The following PCDH15 variants were observed in gnomAD, a reference collection of about 807,000 sequenced individuals.
PCDH15 encodes the protein protocadherin-15.
A neutral mutation model predicts 178.5 loss-of-function variants in PCDH15; 129 were observed. The ratio of observed to expected loss-of-function variants is 0.72; its 90% CI spans 0.63 to 0.84. The LOEUF (loss-of-function observed/expected upper bound fraction) is 0.84. PCDH15 is among the 40% of genes least tolerant of loss of function. The pLI, the probability that PCDH15 is intolerant of heterozygous loss-of-function variation, is 0.00. For synonymous variants in PCDH15, 800 were observed against 732.0 expected, an observed-to-expected ratio of 1.09 and a Z score of -1.50; for missense variants, 2,230 against 2,099.9, an observed-to-expected ratio of 1.06 and a Z score of -1.21.
At chr10:54,223,323 A>AAAAAAG (rs1554845568) in intron 9 of PCDH15, among the ~76,000 whole-genome samples, 1 of 123,770 alleles carries the variant, frequency 8.1e-6, no homozygotes, top group African/African-American at 2.9e-5. Context: ...AAAAAAAAAA[A>AAAAAAG]AGAGAAATTG....
rs536670144 is a variant in PCDH15, at chr10:54,403,037, A to G, written c.158-24095T>C. Among the ~76,000 whole-genome samples the G allele has an allele frequency of 8.3e-4, 126 of 152,174 alleles. 2 individuals carry two copies. The highest frequency in any genetic ancestry group is 8.2e-3 in the Admixed American group (125 of 15,236). Reference sequence around the variant, plus strand: ...AGTTAGCCAAGCTATGAATTCAAAGAAAAACTTCTTAAGGGAAACTAAAAG... The same window carrying G: ...AGTTAGCCAAGCTATGAATTCAAAGGAAAACTTCTTAAGGGAAACTAAAAG... On this transcript the variant is annotated intron_variant, in intron 3 of 37. Coordinates refer to ENST00000644397, the MANE Select transcript of PCDH15 (RefSeq NM_001384140.1).
At chr10:54,507,833 T>G (rs1201856739) in intron 3 of PCDH15, among the ~76,000 whole-genome samples, 1 of 152,030 alleles carries the variant, frequency 6.6e-6, no homozygotes, top group African/African-American at 2.4e-5. Context: ...CTGCTTCCTT[T>G]CTCTAAGCCT....
At chr10:55,283,678 C>A (rs1203627710) in intron 1 of PCDH15, among the ~76,000 whole-genome samples, 1 of 150,678 alleles carries the variant, frequency 6.6e-6, no homozygotes, top group Admixed American at 6.7e-5. Flanking sequence ...CCTAGATGCT[C>A]AAAAACCTTT....
At chr10:54,598,460 G>A (rs185677133) in intron 2 of PCDH15, among the ~76,000 whole-genome samples, 1 of 152,210 alleles carries the variant, frequency 6.6e-6, no homozygotes, top group Admixed American at 6.6e-5. Context: ...ATTAGGTATT[G>A]AAGGAATATA....
chr10:55,157,919 T>C (rs10763186), intron 2 of PCDH15, among the ~76,000 whole-genome samples: 142,745 of 151,716 alleles, frequency 0.94, 67,435 homozygotes, highest in East Asian at 1. Context: ...CAAACATGCA[T>C]GTTGTGCACA....
At chr10:55,543,253 A>G (rs1238679122) in intron 2 of PCDH15, among the ~76,000 whole-genome samples, 2 of 150,682 alleles carry the variant, frequency 1.3e-5, no homozygotes, top group African/African-American at 2.4e-5. Flanking sequence ...GTCTATATAT[A>G]TAATATGTAT....
chr10:54,571,177 AACG>A (rs1424567610), intron 2 of PCDH15, among the ~76,000 whole-genome samples: 1 of 152,034 alleles, frequency 6.6e-6, no homozygotes, highest in African/African-American at 2.4e-5. Flanking sequence ...CAGAAATTTG[AACG>A]AGGAGAAACT....
chr10:55,477,814 T>C lies in PCDH15; in HGVS notation c.-156+149811A>G, dbSNP rs529532643. 3.9e-5 allele frequency among the ~76,000 whole-genome samples: 6 copies of C among 151,950 alleles called. No homozygotes were observed. The South Asian group carries it at 6.2e-4, about 16-fold the overall frequency. ...AGTAAACAAATGAATGAAGTGCAAG[T>C]AGAAAATACTACTTAAGTGCTCTTC... On this transcript the variant is annotated intron_variant, in intron 2 of 5. Transcript: ENST00000613346.
rs572509186 is a variant in PCDH15, at chr10:55,148,232, G to A, written c.-80+18344C>T. Among the ~76,000 whole-genome samples the A allele has an allele frequency of 3.3e-5, 5 of 151,824 alleles. No individual in the cohort carries two copies. The East Asian group carries it at 5.8e-4, about 18-fold the overall frequency. ...CTTACTACATGTTAGGAAAAGAGTG[G>A]CAAAACATTTTCGTTTGAGTTGAGG... On this transcript the variant is annotated intron_variant, in intron 2 of 5. Coordinates refer to the PCDH15 transcript ENST00000458638.
At chr10:53,903,440 T>C (rs1441529969) in intron 25 of PCDH15, 70 bp from the exon 26 acceptor site, 9 of 1,567,124 alleles carry the variant, frequency 5.7e-6, no homozygotes, top group African/African-American at 1.4e-5. Context: ...CTGAAGTAAA[T>C]ATTTGCTGCA....
intron 2 of PCDH15, among the ~76,000 whole-genome samples, chr10:55,613,902 A>G (rs1320046407): frequency 6.6e-6 from 1 of 152,034 alleles, no homozygotes; most frequent in African/African-American, 2.4e-5. Context: ...AGGTCAGGAG[A>G]TCGAGACCAT....
chr10:54,821,509 C>T (rs1425985752), intron 3 of PCDH15, among the ~76,000 whole-genome samples: 2 of 151,938 alleles, frequency 1.3e-5, no homozygotes, highest in African/African-American at 2.4e-5. Flanking sequence ...AAAGTTGGCA[C>T]ATACCAAGAA....
intron 1 of PCDH15, among the ~76,000 whole-genome samples, chr10:54,756,057 AC>A (rs1947052853): frequency 1.9e-4 from 2 of 10,452 alleles, no homozygotes; most frequent in Non-Finnish European, 7.3e-4. Context: ...TCTACTAAAA[AC>A]ACACACACAC....
At chr10:55,576,162 T>C (rs1842493792) in intron 2 of PCDH15, among the ~76,000 whole-genome samples, 1 of 152,196 alleles carries the variant, frequency 6.6e-6, no homozygotes, top group Non-Finnish European at 1.5e-5. Flanking sequence ...TAGATAATAG[T>C]TGACTGGAAG....
chr10:54,494,964 C>A (rs2079977350), intron 3 of PCDH15, among the ~76,000 whole-genome samples: 1 of 152,122 alleles, frequency 6.6e-6, no homozygotes, highest in African/African-American at 2.4e-5. Context: ...GGAGTTCATG[C>A]TCTGATAGCT....
intron 9 of PCDH15, among the ~76,000 whole-genome samples, chr10:54,216,050 A>G (rs1409355276): frequency 1.6e-4 from 17 of 107,070 alleles, no homozygotes; most frequent in African/African-American, 5.0e-4. Flanking sequence ...CTCAGAAAAA[A>G]AAAAAAAAAA....
chr10:54,378,807 C>T lies in PCDH15; in HGVS notation c.293G>A (p.Ser98Asn). The T allele has an allele frequency of 6.2e-7, 1 of 1,613,800 alleles. No individual in the cohort carries two copies. Among genetic ancestry groups the T allele is most frequent in the Non-Finnish European group, 8.5e-7 (1 of 1,179,832 alleles). Residue 98 changes from serine to asparagine, a missense_variant, in exon 4 of 38, where the codon AGC (serine) becomes AAC (asparagine). Physicochemically the swap from Ser to Asn is conservative, Grantham distance 46. Transcript: ENST00000644397. ...ATCTCTATCCAGAACTCTTCCGGTG[C>T]TGTTCAGGAAAAGCATTTGCTTAAC... ...DPVKQMLFLN[S>N]TGRVLDRDPP...
chr10:55,010,115 T>G (rs1840016982), intron 2 of PCDH15, among the ~76,000 whole-genome samples: 1 of 152,038 alleles, frequency 6.6e-6, no homozygotes, highest in Non-Finnish European at 1.5e-5. Flanking sequence ...GCAATAAGGC[T>G]AGCAATGGAC....
chr10:55,047,250 A>G (rs1229690390), intron 2 of PCDH15, among the ~76,000 whole-genome samples: 1 of 151,920 alleles, frequency 6.6e-6, no homozygotes, highest in Non-Finnish European at 1.5e-5. Flanking sequence ...CATATATAGT[A>G]AGAGAAACAG....
Sources: gnomAD v4.1 joint callset for allele counts (sites outside exome capture counted in the v4.1 genomes callset) on GRCh38, gnomAD v4.1.1 for gene constraint, MANE v1.5 for transcripts, NCBI Gene and HGNC (gene_info 2026-07-23, HGNC 2026-07-21) for gene names.